Variants in ZDHHC14 observed in about 807,000 individuals in gnomAD.
ZDHHC14 encodes palmitoyltransferase ZDHHC14.
In ZDHHC14, 16 loss-of-function variants were observed where a neutral mutation model predicts 47.7. The observed-to-expected ratio is 0.34, with a 90% CI of 0.23 to 0.51. ZDHHC14 has a LOEUF of 0.51. ZDHHC14 is among the 20% of genes least tolerant of loss of function. The pLI is 0.97. For synonymous variants in ZDHHC14, 293 were observed against 278.9 expected (o/e 1.05, Z -0.50); for missense variants, 515 against 662.5 (o/e 0.78, Z 2.44).
intron 5 of ZDHHC14, among the ~76,000 whole-genome samples, chr6:157,640,456 C>T (rs555755325): frequency 1.3e-5 from 2 of 152,308 alleles, no homozygotes; most frequent in Admixed American, 1.3e-4. Context: ...AAGGACACCA[C>T]AACGGGAAAA....
At chr6:157,632,542 A>G in intron 4 of ZDHHC14, 1 of 425,884 alleles carries the variant, frequency 2.3e-6, no homozygotes, top group Non-Finnish European at 4.3e-6. Flanking sequence ...TAAAATGAGG[A>G]AAACAAAGGA....
chr6:157,602,745 C>T (rs1216726532), intron 3 of ZDHHC14, among the ~76,000 whole-genome samples: 2 of 152,146 alleles, frequency 1.3e-5, no homozygotes, highest in African/African-American at 4.8e-5. Flanking sequence ...GCTGCTTACT[C>T]TTCACCCGCC....
Position 157,593,179 on chromosome 6 carries a change from CCCGGGTCCT to C in ZDHHC14, c.565+40_565+48del, listed in dbSNP as rs1562496808. The C allele has an allele frequency of 8.2e-6, 13 of 1,585,386 alleles. No individual in the cohort carries two copies. In the Admixed American group the frequency reaches 1.6e-4, roughly 20 times the overall value. ...GTGCCTGGGCGGAGCCTGGCGGGAG[CCCGGGTCCT>C]CCGGGTGGGTTTGCGCCTCTCCAAC... On this transcript the variant is annotated intron_variant, in intron 3 of 8. Coordinates refer to ENST00000359775, the MANE Select transcript of ZDHHC14 (RefSeq NM_024630.3).
intron 1 of ZDHHC14, among the ~76,000 whole-genome samples, chr6:157,492,461 G>C (rs1779949920): frequency 6.6e-6 from 1 of 151,900 alleles, no homozygotes; most frequent in Non-Finnish European, 1.5e-5. Context: ...GCGGGAAGGC[G>C]GAGGCTCCCT....
chr6:157,659,653 G>C (rs139251149), intron 8 of ZDHHC14, among the ~76,000 whole-genome samples: 3 of 152,158 alleles, frequency 2.0e-5, no homozygotes, highest in African/African-American at 7.2e-5. Context: ...ACGGTTTTCC[G>C]GTCTCTGATG....
chr6:157,490,565 A>G (rs1248914643), intron 1 of ZDHHC14, among the ~76,000 whole-genome samples: 2 of 152,266 alleles, frequency 1.3e-5, no homozygotes, highest in East Asian at 1.9e-4. Flanking sequence ...ATAATGTAAC[A>G]TGAATTGTGT....
intron 3 of ZDHHC14, among the ~76,000 whole-genome samples, chr6:157,616,782 T>C (rs957812940): frequency 3.3e-5 from 5 of 152,160 alleles, no homozygotes; most frequent in African/African-American, 1.2e-4. Context: ...CTACAGATGA[T>C]GTCTGGGTGT....
intron 1 of ZDHHC14, among the ~76,000 whole-genome samples, chr6:157,442,005 C>A (rs1274836273): frequency 6.6e-6 from 1 of 152,178 alleles, no homozygotes; most frequent in East Asian, 1.9e-4. Context: ...GATTTATTAA[C>A]TATAGAATGG....
At chr6:157,383,872 TG>T (rs1777262566) in intron 1 of ZDHHC14, among the ~76,000 whole-genome samples, 1 of 152,186 alleles carries the variant, frequency 6.6e-6, no homozygotes. Context: ...GTTGCTCCCA[TG>T]GGCCCCCATT....
At chr6:157,636,734 G>C (rs1446276035) in intron 5 of ZDHHC14, among the ~76,000 whole-genome samples, 1 of 152,234 alleles carries the variant, frequency 6.6e-6, no homozygotes, top group African/African-American at 2.4e-5. Flanking sequence ...CAGGAGAAGT[G>C]AGCAGTGTGG....
At chr6:157,534,265 C>A (rs528809230) in intron 1 of ZDHHC14, among the ~76,000 whole-genome samples, 1 of 152,244 alleles carries the variant, frequency 6.6e-6, no homozygotes, top group South Asian at 2.1e-4. Flanking sequence ...TCGGAAGGGC[C>A]CTGGCTTGCC....
intron 1 of ZDHHC14, among the ~76,000 whole-genome samples, chr6:157,511,708 A>G (rs1466194200): frequency 6.6e-6 from 1 of 152,008 alleles, no homozygotes; most frequent in Non-Finnish European, 1.5e-5. Flanking sequence ...TTTTTATATA[A>G]TAGTACATTT....
At position 157,628,351 on chromosome 6, in the gene ZDHHC14, C is replaced by T. The variant is rs1398158719; in HGVS notation, c.568C>T (p.Arg190Trp). Residue 190 changes from arginine to tryptophan, a missense_variant and splice_region_variant, in exon 4 of 9, where the codon CGG becomes TGG. Physicochemically the swap from Arg to Trp is moderately radical, Grantham distance 101 (BLOSUM62 -3). This residue lies in a region of ZDHHC14 where 229 missense variants were observed against 351.5 expected (regional missense o/e 0.65). Coordinates refer to ENST00000359775, the MANE Select transcript of ZDHHC14 (RefSeq NM_024630.3). The part of the protein sequence containing the change: ...HCSLCDNCVE[R>W]FDHHCPWVGN... ...TTTTTTTCTGCCTCTCATTTCAGAA[C>T]GGTTTGATCACCACTGTCCCTGGGT... 1.1e-5 allele frequency: 18 copies of T among 1,581,058 alleles called. No individual in the cohort carries two copies. Among genetic ancestry groups the T allele is most frequent in the Non-Finnish European group, 1.2e-5 (14 of 1,171,262 alleles).
At chr6:157,512,658 C>T (rs1176630998) in intron 1 of ZDHHC14, among the ~76,000 whole-genome samples, 5 of 151,932 alleles carry the variant, frequency 3.3e-5, no homozygotes, top group Middle Eastern at 3.2e-3. Flanking sequence ...GCCTGGGCAA[C>T]ATAGCAAGTC....
chr6:157,673,400 ATCGGAG>A lies in ZDHHC14; in HGVS notation c.*280_*285del, dbSNP rs1778897733. 1 of 498,154 alleles carries A rather than the reference ATCGGAG, an allele frequency of 2.0e-6. No homozygotes were observed. Among genetic ancestry groups the A allele is most frequent in the East Asian group, 3.7e-5 (1 of 27,124 alleles). The allele number at this position is 498,154 out of a possible 1,614,324, so 30.9% of individuals were successfully genotyped here. A position where few individuals can be genotyped will look rare whatever the true frequency, so the allele number is the denominator to read the frequency against. On this transcript the variant is annotated 3_prime_UTR_variant, in exon 9 of 9. Coordinates refer to ENST00000359775, the MANE Select transcript of ZDHHC14 (RefSeq NM_024630.3). The surrounding 1 kb of genome is among the most constrained non-coding windows in gnomAD (Gnocchi z 5.4). ...CTTTTGGTGACCCTCCAGGGGTGGA[ATCGGAG>A]TGTGTCTGCCCGCCCTTGTGACAGA...
intron 1 of ZDHHC14, among the ~76,000 whole-genome samples, chr6:157,448,766 G>A (rs148134999): frequency 1.3e-5 from 2 of 152,304 alleles, no homozygotes; most frequent in East Asian, 1.9e-4. Flanking sequence ...CAGTAGAGAC[G>A]AGTTTCACCA....
chr6:157,517,720 G>C (rs935597834), intron 1 of ZDHHC14, among the ~76,000 whole-genome samples: 1 of 152,266 alleles, frequency 6.6e-6, no homozygotes, highest in East Asian at 1.9e-4. Flanking sequence ...TCAGTCCTGA[G>C]TAAAGTGTTG....
intron 3 of ZDHHC14, among the ~76,000 whole-genome samples, chr6:157,622,828 C>T (rs773292258): frequency 1.3e-5 from 2 of 151,944 alleles, no homozygotes; most frequent in East Asian, 1.9e-4. Context: ...GAGTAGTGAT[C>T]GCTCATAAAC....
chr6:157,592,254 G>A (rs1374750397), intron 2 of ZDHHC14, among the ~76,000 whole-genome samples: 3 of 151,826 alleles, frequency 2.0e-5, no homozygotes, highest in African/African-American at 7.3e-5. Context: ...AAAACTCCAC[G>A]TTTGTATTGT....
Sources: gnomAD v4.1 joint callset for allele counts (sites outside exome capture counted in the v4.1 genomes callset) on GRCh38, gnomAD v4.1.1 for gene constraint, gnomAD v4.1.1 regional missense constraint, Gnocchi (gnomAD v3.1) non-coding constraint, MANE v1.5 for transcripts, NCBI Gene and HGNC (gene_info 2026-07-23, HGNC 2026-07-21) for gene names.